Variants in SKA2 observed in about 807,000 individuals in gnomAD.
The protein encoded by SKA2 is spindle and kinetochore-associated protein 2.
In SKA2, 13 loss-of-function variants were observed where a neutral mutation model predicts 16.9. That is an observed-to-expected ratio of 0.77 (90% confidence interval 0.50 to 1.22). The LOEUF (loss-of-function observed/expected upper bound fraction) is 1.22. Among genes scored for constraint, SKA2 ranks in the 50% most tolerant of loss-of-function variants. The probability of loss-of-function intolerance (pLI) is 0.00; values close to 1 mark genes in which losing one functional copy is unlikely to be tolerated. For missense variants in SKA2, 107 were observed against 139.7 expected (o/e 0.77, Z 1.18); for synonymous variants, 47 against 48.5 (o/e 0.97, Z 0.13).
At chr17:59,140,985 C>CA (rs1273523590) in intron 1 of SKA2, among the ~76,000 whole-genome samples, 3 of 150,064 alleles carry the variant, frequency 2.0e-5, no homozygotes, top group Non-Finnish European at 4.4e-5. Flanking sequence ...TTTGTAGAGA[C>CA]AGAGTCTCGT....
chr17:59,116,421 C>T (rs923931368), intron 3 of SKA2, among the ~76,000 whole-genome samples: 9 of 152,074 alleles, frequency 5.9e-5, no homozygotes, highest in Non-Finnish European at 1.2e-4. Context: ...ACTTCAGTGT[C>T]TTTTGTCTTT....
At chr17:59,121,070 T>A (rs1463521086) in intron 2 of SKA2, among the ~76,000 whole-genome samples, 1 of 149,980 alleles carries the variant, frequency 6.7e-6, no homozygotes, top group Admixed American at 6.7e-5. Flanking sequence ...GAGAATCGCT[T>A]GAACCCGGGA....
chr17:59,127,691 A>T (rs1268973239), intron 2 of SKA2, among the ~76,000 whole-genome samples: 2 of 149,034 alleles, frequency 1.3e-5, no homozygotes, highest in African/African-American at 4.9e-5. Context: ...CCAGCCCACA[A>T]TTTTTTTTTT....
At chr17:59,137,980 G>T in intron 1 of SKA2, 1 of 272,130 alleles carries the variant, frequency 3.7e-6, no homozygotes. Flanking sequence ...ATCATTCACA[G>T]CCCTTTCAGT....
chr17:59,144,581 T>TA (rs1419712109), intron 1 of SKA2, among the ~76,000 whole-genome samples: 6 of 152,158 alleles, frequency 3.9e-5, no homozygotes, highest in Non-Finnish European at 5.9e-5. Context: ...TATTCCGCCT[T>TA]AAAAAATTGA....
chr17:59,154,827 C>A (rs559590977), intron 1 of SKA2: 21 of 934,312 alleles, frequency 2.2e-5, no homozygotes, highest in Admixed American at 1.1e-4. Flanking sequence ...ACACAGAATG[C>A]GGTCTGCACC....
intron 2 of SKA2, among the ~76,000 whole-genome samples, chr17:59,127,510 T>G (rs1468306767): frequency 6.6e-6 from 1 of 152,120 alleles, no homozygotes; most frequent in Admixed American, 6.6e-5. Context: ...TATCTCAGCC[T>G]CCCAAGTAGC....
chr17:59,153,246 A>G (rs998782600), intron 1 of SKA2, among the ~76,000 whole-genome samples: 29 of 152,244 alleles, frequency 1.9e-4, no homozygotes, highest in African/African-American at 6.7e-4. Context: ...GTAGGGAGGA[A>G]TTCAGAATGG....
At chr17:59,145,424 C>T (rs1260908837) in intron 1 of SKA2, among the ~76,000 whole-genome samples, 1 of 152,110 alleles carries the variant, frequency 6.6e-6, no homozygotes, top group Non-Finnish European at 1.5e-5. Context: ...ATTTCCTCTG[C>T]CTGGAATATT....
intron 1 of SKA2, among the ~76,000 whole-genome samples, chr17:59,131,825 G>GGTT (rs2046413844): frequency 6.6e-6 from 1 of 152,136 alleles, no homozygotes; most frequent in Non-Finnish European, 1.5e-5. Flanking sequence ...ATTGATCAAA[G>GGTT]AGCTACAACT....
At chr17:59,131,494 G>A in intron 1 of SKA2, 127 bp from the exon 2 acceptor site, 8 of 521,164 alleles carry the variant, frequency 1.5e-5, no homozygotes, top group South Asian at 1.2e-4. Flanking sequence ...TTGAAAATGT[G>A]GAAATAAAAA....
chr17:59,141,744 G>GAGAGCCTA (rs2046492083), intron 1 of SKA2, among the ~76,000 whole-genome samples: 1 of 140,556 alleles, frequency 7.1e-6, no homozygotes, highest in Non-Finnish European at 1.5e-5. Context: ...AAAAAAAAAA[G>GAGAGCCTA]AGAGCCTAGG....
intron 2 of SKA2, among the ~76,000 whole-genome samples, chr17:59,121,895 C>G (rs1299589146): frequency 1.3e-5 from 2 of 149,730 alleles, no homozygotes; most frequent in African/African-American, 4.9e-5. Context: ...TTGCTTGAAC[C>G]TGGGAGGCAG....
chr17:59,119,641 A>G, intron 2 of SKA2, 146 bp from the exon 3 acceptor site: 1 of 725,794 alleles, frequency 1.4e-6, no homozygotes, highest in Non-Finnish European at 2.2e-6. Context: ...ATGACATCAG[A>G]TGGGAGGTGG....
rs555568955 is a variant in SKA2 at position 59,136,856 on chromosome 17, T to C, written c.34-5489A>G. Among the ~76,000 whole-genome samples the C allele has an allele frequency of 9.9e-5, 15 of 152,278 alleles. 1 individual carries two copies. The South Asian group carries it at 3.1e-3, about 32-fold the overall frequency. On this transcript the variant is annotated intron_variant, in intron 1 of 3. Transcript: ENST00000330137. Reference sequence around the variant, plus strand: ...GCTACCACGCCCAGCCGAAAAATCATCTTAAATGTCTGCTCTGAACCCTTC... The same window carrying C: ...GCTACCACGCCCAGCCGAAAAATCACCTTAAATGTCTGCTCTGAACCCTTC...
chr17:59,119,363 T>A lies in SKA2; in HGVS notation c.253A>T (p.Thr85Ser). The A allele has an allele frequency of 1.2e-6, 2 of 1,613,992 alleles. No homozygotes were observed. The highest frequency in any genetic ancestry group is 8.5e-7 in the Non-Finnish European group (1 of 1,179,876). ...TGTAGTTTTTGTATCATATTCATAG[T>A]CTTTTTCACAGTAGCACAAATGCGG... Reference protein sequence around the residue: ...KSRICATVKKTMNMIQKLQKQ... With the variant: ...KSRICATVKKSMNMIQKLQKQ... The change falls in exon 3 of 4, where the codon ACT (threonine) becomes TCT (serine). Residue 85 changes from threonine (T) to serine (S), a missense_variant. Transcript: ENST00000330137.
intron 1 of SKA2, among the ~76,000 whole-genome samples, chr17:59,142,394 G>A (rs903267881): frequency 6.6e-6 from 1 of 150,524 alleles, no homozygotes; most frequent in Admixed American, 6.6e-5. Flanking sequence ...GGGTTCAAGC[G>A]ATTCTCCTGC....
chr17:59,143,037 G>C (rs2046504484), intron 1 of SKA2, among the ~76,000 whole-genome samples: 1 of 146,274 alleles, frequency 6.8e-6, no homozygotes, highest in Admixed American at 6.9e-5. Context: ...GCCTCCCAAA[G>C]TGCTAGGATT....
rs557431439 is a variant in SKA2, at chr17:59,152,100, G to A, written c.33+3031C>T. On this transcript the variant is annotated intron_variant, in intron 1 of 3. Transcript: ENST00000330137. ...AGATGTAAACCCAGAAACAGAAATAGTATCATAGTATCACACTGCATTACC... is the reference window on the plus strand; with the variant it reads ...AGATGTAAACCCAGAAACAGAAATAATATCATAGTATCACACTGCATTACC... 1.8e-4 allele frequency among the ~76,000 whole-genome samples: 28 copies of A among 152,220 alleles called. No homozygotes were observed. In the South Asian group the frequency reaches 5.8e-3, roughly 32 times the overall value.
Sources: gnomAD v4.1 joint callset for allele counts (sites outside exome capture counted in the v4.1 genomes callset) on GRCh38, gnomAD v4.1.1 for gene constraint, MANE v1.5 for transcripts, NCBI Gene and HGNC (gene_info 2026-07-23, HGNC 2026-07-21) for gene names.